Variants in ATP8A2 observed in about 807,000 individuals in gnomAD.
ATP8A2 encodes the protein ATPase phospholipid transporting 8A2.
In ATP8A2, 100 loss-of-function variants were observed where a neutral mutation model predicts 165.6. The ratio of observed to expected loss-of-function variants is 0.60; its 90% CI spans 0.51 to 0.71. The LOEUF (loss-of-function observed/expected upper bound fraction) is 0.71, where lower values mean the gene tolerates loss of function less well. Among genes scored for constraint, ATP8A2 ranks in the 30% least tolerant of loss-of-function variants. ATP8A2 has a pLI of 0.00. For synonymous variants in ATP8A2, 543 were observed against 548.8 expected, an observed-to-expected ratio of 0.99 and a Z score of 0.15; for missense variants, 1,227 against 1,479.5, an observed-to-expected ratio of 0.83 and a Z score of 2.80.
At chr13:25,519,053 C>T (rs971968049) in intron 2 of ATP8A2, among the ~76,000 whole-genome samples, 2 of 152,308 alleles carry the variant, frequency 1.3e-5, no homozygotes, top group East Asian at 1.9e-4. Flanking sequence ...TCATACTTCT[C>T]CACCTCCGTT....
chr13:25,737,658 C>G lies in ATP8A2; in HGVS notation c.2385-31388C>G, dbSNP rs2043803144. Among the ~76,000 whole-genome samples, 2 of 152,058 alleles carry G rather than the reference C, an allele frequency of 1.3e-5. 1 individual carries two copies. The highest frequency in any genetic ancestry group is 4.2e-4 in the South Asian group (2 of 4,814). On this transcript the variant is annotated intron_variant, in intron 25 of 36. Transcript: ENST00000381655. ...GGACCACAGGCAAATGCCACCACGC[C>G]TGGCTTTTTTATTTTTATTTTATTA... is the stretch of plus-strand genomic sequence containing the variant.
chr13:25,806,380 G>T (rs988031276), intron 27 of ATP8A2, among the ~76,000 whole-genome samples: 1 of 151,974 alleles, frequency 6.6e-6, no homozygotes, highest in African/African-American at 2.4e-5. Flanking sequence ...AGGCATTTGC[G>T]CAGGCCCACT....
chr13:25,736,871 C>T (rs1473336233), intron 25 of ATP8A2, among the ~76,000 whole-genome samples: 4 of 152,038 alleles, frequency 2.6e-5, no homozygotes, highest in South Asian at 2.1e-4. Context: ...ATATAACCAG[C>T]GATTGTAGAG....
At chr13:25,593,668 G>A (rs1274571080) in intron 24 of ATP8A2, among the ~76,000 whole-genome samples, 1 of 152,164 alleles carries the variant, frequency 6.6e-6, no homozygotes, top group Non-Finnish European at 1.5e-5. Context: ...CCAGAAATTG[G>A]TCTGAGAGGA....
At chr13:25,673,254 T>C (rs990016960) in intron 24 of ATP8A2, among the ~76,000 whole-genome samples, 1 of 152,192 alleles carries the variant, frequency 6.6e-6, no homozygotes, top group African/African-American at 2.4e-5. Flanking sequence ...GCAGACACTA[T>C]AACAGCGAAT....
chr13:25,838,283 T>C lies in ATP8A2; in HGVS notation c.2877+998T>C, dbSNP rs529579928. Among the ~76,000 whole-genome samples, 23 of 152,322 alleles carry C rather than the reference T, an allele frequency of 1.5e-4. No individual in the cohort carries two copies. The East Asian group carries it at 3.5e-3, about 23-fold the overall frequency. The stretch of plus-strand genomic sequence containing the variant: ...AGATGTTCCTGACGTCCCTTACAGC[T>C]GCTTTTTTCTGGGGAGGCTCACTAG... On this transcript the variant is annotated intron_variant, in intron 29 of 36. Transcript: ENST00000381655.
At chr13:25,521,424 G>A (rs753198520) in intron 2 of ATP8A2, among the ~76,000 whole-genome samples, 5 of 152,078 alleles carry the variant, frequency 3.3e-5, no homozygotes, top group Non-Finnish European at 5.9e-5. Flanking sequence ...CTATGCTTTT[G>A]AGGTCTTATA....
chr13:25,645,564 T>G (rs1431122185), intron 24 of ATP8A2, among the ~76,000 whole-genome samples: 2 of 152,238 alleles, frequency 1.3e-5, no homozygotes, highest in African/African-American at 4.8e-5. Flanking sequence ...GTAAAAACTT[T>G]CCTCTTGCAA....
chr13:25,784,507 T>G (rs1410164176), intron 27 of ATP8A2, among the ~76,000 whole-genome samples: 1 of 152,234 alleles, frequency 6.6e-6, no homozygotes, highest in East Asian at 1.9e-4. Context: ...GTTACTTTTA[T>G]TTTTCCAAAT....
intron 24 of ATP8A2, among the ~76,000 whole-genome samples, chr13:25,596,422 A>G (rs146447528): frequency 5.6e-4 from 86 of 152,336 alleles, no homozygotes; most frequent in African/African-American, 2.0e-3. Context: ...GAACATTTAC[A>G]TGATCTCAAA....
chr13:25,506,888 G>A (rs1482404145), intron 2 of ATP8A2, among the ~76,000 whole-genome samples: 5 of 148,232 alleles, frequency 3.4e-5, no homozygotes, highest in Non-Finnish European at 5.9e-5. Flanking sequence ...TCAAATTTCA[G>A]ATTTTCGGAT....
chr13:25,686,015 A>G (rs1429253018), intron 24 of ATP8A2, among the ~76,000 whole-genome samples: 1 of 152,156 alleles, frequency 6.6e-6, no homozygotes, highest in Non-Finnish European at 1.5e-5. Flanking sequence ...GGTATGACAG[A>G]AAGGAAGAAG....
At chr13:25,948,739 A>G (rs976965752) in intron 33 of ATP8A2, among the ~76,000 whole-genome samples, 6 of 152,206 alleles carry the variant, frequency 3.9e-5, no homozygotes, top group Admixed American at 1.3e-4. Context: ...AAAGGAGCAC[A>G]TAGTGAGATG....
chr13:25,418,626 A>C (rs2034204533), intron 1 of ATP8A2, among the ~76,000 whole-genome samples: 1 of 152,202 alleles, frequency 6.6e-6, no homozygotes, highest in Non-Finnish European at 1.5e-5. Flanking sequence ...AGAGGCCAAA[A>C]TGGCATCTTC....
At chr13:25,902,285 A>C (rs995096374) in intron 33 of ATP8A2, among the ~76,000 whole-genome samples, 2 of 152,168 alleles carry the variant, frequency 1.3e-5, no homozygotes, top group African/African-American at 4.8e-5. Context: ...TGTGTTTTTT[A>C]ACTCTTACAG....
At chr13:25,696,352 AG>A (rs2042834219) in intron 24 of ATP8A2, among the ~76,000 whole-genome samples, 1 of 152,250 alleles carries the variant, frequency 6.6e-6, no homozygotes, top group Admixed American at 6.5e-5. Flanking sequence ...CTCTAACAAG[AG>A]TCAGCCTATC....
chr13:25,535,553 C>T (rs1396736906), intron 6 of ATP8A2, among the ~76,000 whole-genome samples: 5 of 152,196 alleles, frequency 3.3e-5, no homozygotes, highest in Admixed American at 3.3e-4. Flanking sequence ...CATGCTCACA[C>T]CTGCAATCCC....
At chr13:25,705,315 C>T (rs555668159) in intron 25 of ATP8A2, 5 of 246,574 alleles carry the variant, frequency 2.0e-5, no homozygotes, top group East Asian at 2.9e-4. Context: ...CCTGTGAGGA[C>T]GTTAGTGATG....
intron 16 of ATP8A2, among the ~76,000 whole-genome samples, chr13:25,567,564 A>G (rs1340129133): frequency 6.6e-6 from 1 of 152,202 alleles, no homozygotes; most frequent in Non-Finnish European, 1.5e-5. Flanking sequence ...CCAAACACAG[A>G]GACTTCAAGG....
Sources: allele counts gnomAD v4.1 joint callset (sites outside exome capture counted in the v4.1 genomes callset), GRCh38; gene constraint gnomAD v4.1.1; transcripts MANE v1.5; gene names NCBI Gene and HGNC (gene_info 2026-07-23, HGNC 2026-07-21).